Variants in UBE2D2 observed in about 807,000 individuals in gnomAD.
The protein encoded by UBE2D2 is ubiquitin conjugating enzyme E2 D2, also known as ubiquitin-conjugating enzyme E2 D2.
Under a neutral mutation model 24.2 loss-of-function variants are expected in UBE2D2, and 2 were observed. The ratio of observed to expected loss-of-function variants is 0.08; its 90% CI spans 0.03 to 0.26. The LOEUF is 0.26. UBE2D2 is among the 10% of genes least tolerant of loss of function. The probability of loss-of-function intolerance (pLI) is 1.00; values close to 1 mark genes in which losing one functional copy is unlikely to be tolerated. For synonymous variants in UBE2D2, 58 were observed against 56.5 expected (o/e 1.03, Z -0.12); for missense variants, 44 against 177.6 (o/e 0.25, Z 4.28).
chr5:139,622,985 C>T lies in UBE2D2; in HGVS notation c.305-383C>T, dbSNP rs190428922. Among the ~76,000 whole-genome samples the T allele has an allele frequency of 1.6e-3, 249 of 151,926 alleles. 1 individual carries two copies. The highest frequency in any genetic ancestry group is 5.7e-3 in the African/African-American group (235 of 41,446). ...TTGGGAGGCCGAGGCGGGTGAATCA[C>T]GAGGTCAGGAGTTCCAGACCAGCCT... is the stretch of plus-strand genomic sequence containing the variant. On this transcript the variant is annotated intron_variant, in intron 5 of 6. Transcript: ENST00000398733.
intron 1 of UBE2D2, among the ~76,000 whole-genome samples, chr5:139,549,608 C>G (rs1445271183): frequency 2.0e-5 from 3 of 152,204 alleles, no homozygotes; most frequent in Non-Finnish European, 4.4e-5. Flanking sequence ...CTGCAGCCCG[C>G]CATGCCTGAA....
At chr5:139,576,106 C>T (rs1331743071) in intron 1 of UBE2D2, among the ~76,000 whole-genome samples, 1 of 152,208 alleles carries the variant, frequency 6.6e-6, no homozygotes, top group Non-Finnish European at 1.5e-5. Context: ...TAATAGCACA[C>T]TAATGGAGTG....
chr5:139,618,884 C>T (rs1290922042), intron 5 of UBE2D2, among the ~76,000 whole-genome samples: 1 of 152,010 alleles, frequency 6.6e-6, no homozygotes, highest in Non-Finnish European at 1.5e-5. Flanking sequence ...TGCCTTAATC[C>T]TGTATATGAT....
chr5:139,527,632 T>C (rs1226596923), intron 1 of UBE2D2, among the ~76,000 whole-genome samples: 3 of 152,212 alleles, frequency 2.0e-5, no homozygotes, highest in African/African-American at 7.2e-5. Flanking sequence ...AAGAGTTATA[T>C]GATAAATTCT....
chr5:139,597,857 G>T (rs891788432), intron 1 of UBE2D2, among the ~76,000 whole-genome samples: 2 of 152,180 alleles, frequency 1.3e-5, no homozygotes, highest in African/African-American at 4.8e-5. Flanking sequence ...AGATATTTGA[G>T]TAAGTTAATC....
At chr5:139,548,856 T>C (rs932712843) in intron 1 of UBE2D2, among the ~76,000 whole-genome samples, 9 of 148,534 alleles carry the variant, frequency 6.1e-5, no homozygotes, top group African/African-American at 2.3e-4. Context: ...CTTTTTTTTT[T>C]CTTTTTTTTT....
intron 1 of UBE2D2, among the ~76,000 whole-genome samples, chr5:139,533,862 A>C (rs941903557): frequency 6.7e-6 from 1 of 149,096 alleles, no homozygotes; most frequent in Non-Finnish European, 1.5e-5. Context: ...GGCTCACAGC[A>C]ACCTCCGCCT....
intron 1 of UBE2D2, among the ~76,000 whole-genome samples, chr5:139,554,374 A>G (rs1318800766): frequency 6.6e-6 from 1 of 152,140 alleles, no homozygotes; most frequent in Non-Finnish European, 1.5e-5. Flanking sequence ...CAAAGTCACC[A>G]CCTGACTTCA....
At chr5:139,568,614 G>A (rs1002569384) in intron 1 of UBE2D2, among the ~76,000 whole-genome samples, 6 of 151,962 alleles carry the variant, frequency 3.9e-5, no homozygotes, top group Non-Finnish European at 7.4e-5. Context: ...TGGAGATCGC[G>A]CCGCTGCATT....
At chr5:139,541,398 G>A (rs1302288830) in intron 1 of UBE2D2, among the ~76,000 whole-genome samples, 5 of 151,296 alleles carry the variant, frequency 3.3e-5, no homozygotes, top group South Asian at 2.1e-4. Flanking sequence ...TCAGGAGTTC[G>A]AGACCAGCCT....
intron 1 of UBE2D2, among the ~76,000 whole-genome samples, chr5:139,563,862 G>A (rs1753162078): frequency 6.6e-6 from 1 of 152,080 alleles, no homozygotes; most frequent in African/African-American, 2.4e-5. Flanking sequence ...GTGAACCGGG[G>A]AGGCGGAGCT....
chr5:139,589,345 A>T (rs1753794858), intron 1 of UBE2D2, among the ~76,000 whole-genome samples: 1 of 152,116 alleles, frequency 6.6e-6, no homozygotes, highest in Admixed American at 6.6e-5. Context: ...GATCACTTGA[A>T]GTCAGGAGTT....
chr5:139,588,657 A>G (rs991312679), intron 1 of UBE2D2, among the ~76,000 whole-genome samples: 6 of 152,236 alleles, frequency 3.9e-5, no homozygotes, highest in African/African-American at 1.4e-4. Flanking sequence ...TTTTTTACCT[A>G]GAGAAAATAT....
chr5:139,607,382 A>G (rs1754221233), intron 2 of UBE2D2, among the ~76,000 whole-genome samples: 1 of 152,198 alleles, frequency 6.6e-6, no homozygotes, highest in Non-Finnish European at 1.5e-5. Context: ...TGTAGATTCT[A>G]GATCATTTTA....
chr5:139,573,993 A>AATC (rs1753409769), intron 1 of UBE2D2, among the ~76,000 whole-genome samples: 2 of 152,020 alleles, frequency 1.3e-5, no homozygotes, highest in African/African-American at 4.8e-5. Context: ...AATAAATAAT[A>AATC]AAAAATGTCT....
chr5:139,553,844 A>G (rs1752950173), intron 1 of UBE2D2, among the ~76,000 whole-genome samples: 1 of 152,028 alleles, frequency 6.6e-6, no homozygotes, highest in Admixed American at 6.6e-5. Context: ...CAGAGGCGCG[A>G]TCTTGGCTCA....
intron 2 of UBE2D2, among the ~76,000 whole-genome samples, chr5:139,605,113 TAGTGTAAAAA>T (rs1304294542): frequency 1.3e-5 from 2 of 152,200 alleles, no homozygotes; most frequent in Non-Finnish European, 1.5e-5. Context: ...TATTGATATT[TAGTGTAAAAA>T]TAAAGTGGAG....
At chr5:139,570,082 C>G (rs960032879) in intron 1 of UBE2D2, among the ~76,000 whole-genome samples, 14 of 151,982 alleles carry the variant, frequency 9.2e-5, no homozygotes, top group African/African-American at 3.4e-4. Flanking sequence ...AATGGGAGAC[C>G]CTGTCTCTAC....
chr5:139,544,168 C>CT (rs33938446), intron 1 of UBE2D2, among the ~76,000 whole-genome samples: 20,600 of 136,548 alleles, frequency 0.15, 4,075 homozygotes, highest in African/African-American at 0.46. Flanking sequence ...TTCTTTCTTT[C>CT]TTTTTTTTTT....
Sources: allele counts gnomAD v4.1 joint callset (sites outside exome capture counted in the v4.1 genomes callset), GRCh38; gene constraint gnomAD v4.1.1; transcripts MANE v1.5; gene names NCBI Gene and HGNC (gene_info 2026-07-23, HGNC 2026-07-21).